The following NCLN variants were observed in gnomAD, a reference collection of about 807,000 sequenced individuals.
NCLN encodes BOS complex subunit NCLN.
NCLN carries 34 observed loss-of-function variants against 69.5 expected under a neutral mutation model. The observed-to-expected ratio is 0.49, with a 90% CI of 0.37 to 0.65. NCLN has a LOEUF of 0.65. Among genes scored for constraint, NCLN ranks in the 30% least tolerant of loss-of-function variants. NCLN has a pLI of 0.00. For synonymous variants in NCLN, 393 were observed against 358.3 expected (o/e 1.10, Z -1.09); for missense variants, 710 against 804.8 (o/e 0.88, Z 1.42).
rs1181957578 is a variant in NCLN, at chr19:3,204,002, C to T, written c.890-3C>T. On this transcript the variant is annotated splice_region_variant and splice_polypyrimidine_tract_variant and intron_variant, in intron 7 of 14. Transcript: ENST00000246117. ...CACCCCGCCAGCTCTCGGTGTCCTG[C>T]AGACTCCAGCCTGCTTCAGGACAAT... The T allele has an allele frequency of 6.4e-7, 1 of 1,565,014 alleles. No homozygotes were observed. Among genetic ancestry groups the T allele is most frequent in the Non-Finnish European group, 8.7e-7 (1 of 1,155,306 alleles).
intron 4 of NCLN, among the ~76,000 whole-genome samples, chr19:3,197,724 G>A (rs943641039): frequency 9.2e-5 from 14 of 151,636 alleles, no homozygotes; most frequent in African/African-American, 3.2e-4. Context: ...AGGTTCAAGC[G>A]ATTCTCCTGC....
Position 3,204,099 on chromosome 19 carries a change from T to C in NCLN, c.984T>C (p.Pro328=), listed in dbSNP as rs750820248. The change falls in exon 8 of 15, where the codon CCT becomes CCC. Residue 328 remains proline (P), a synonymous_variant. Transcript: ENST00000246117. ...TGCACCTGCACGTGTCCAAGCCGCC[T>C]CGGGAGGGCACCCTGCAGCACGCCT... is the stretch of plus-strand genomic sequence containing the variant. ...SSLHLHVSKP[P]REGTLQHAFL... is the part of the protein sequence containing the mutation. 6.5e-7 allele frequency: 1 copy of C among 1,528,076 alleles called. No individual in the cohort carries two copies. Among genetic ancestry groups the C allele is most frequent in the Non-Finnish European group, 8.8e-7 (1 of 1,139,634 alleles). The allele number at this position is 1,528,076 out of a possible 1,614,324, so 94.7% of individuals were successfully genotyped here. A position where few individuals can be genotyped will look rare whatever the true frequency, so the allele number is the denominator to read the frequency against.
rs780794105 is a variant in NCLN at position 3,206,140 on chromosome 19, C to T, written c.1297-12C>T. 3.3e-6 allele frequency: 5 copies of T among 1,531,632 alleles called. No homozygotes were observed. In the South Asian group the frequency reaches 3.7e-5, roughly 11 times the overall value. 94.9% of individuals were successfully genotyped at this position (1,531,632 alleles called of 1,614,324 possible). A position where few individuals can be genotyped will look rare whatever the true frequency, so the allele number is the denominator to read the frequency against. ...GGCCTGGACTCAGGGCCATCCCCTCCTCTCTCCGCAGGGGACACCCCCAGA... is the reference window on the plus strand; with the variant it reads ...GGCCTGGACTCAGGGCCATCCCCTCTTCTCTCCGCAGGGGACACCCCCAGA... On this transcript the variant is annotated splice_polypyrimidine_tract_variant and intron_variant, in intron 10 of 14. Transcript: ENST00000246117.
At chr19:3,191,036 G>A (rs945353902) in intron 1 of NCLN, among the ~76,000 whole-genome samples, 1 of 146,724 alleles carries the variant, frequency 6.8e-6, no homozygotes, top group South Asian at 2.2e-4. Context: ...GATCGTCGTG[G>A]TGCGTGGCGG....
chr19:3,189,908 G>A (rs943080360), intron 1 of NCLN, among the ~76,000 whole-genome samples: 1 of 152,232 alleles, frequency 6.6e-6, no homozygotes, highest in East Asian at 1.9e-4. Flanking sequence ...GCGGGGCTTC[G>A]GAATGGGAGG....
At chr19:3,191,033 G>A (rs536658322) in intron 1 of NCLN, among the ~76,000 whole-genome samples, 1 of 145,536 alleles carries the variant, frequency 6.9e-6, no homozygotes, top group South Asian at 2.2e-4. Context: ...GGAGATCGTC[G>A]TGGTGCGTGG....
At chr19:3,197,682 G>T (rs1189827307) in intron 4 of NCLN, among the ~76,000 whole-genome samples, 2 of 149,584 alleles carry the variant, frequency 1.3e-5, no homozygotes, top group Non-Finnish European at 3.0e-5. Context: ...GTGCAATGGT[G>T]CGATCTCAGC....
intron 4 of NCLN, among the ~76,000 whole-genome samples, chr19:3,198,219 C>T (rs1446723752): frequency 1.3e-5 from 2 of 152,018 alleles, no homozygotes; most frequent in African/African-American, 2.4e-5. Context: ...AAAAACTTAA[C>T]CTCCTGGCCG....
intron 6 of NCLN, among the ~76,000 whole-genome samples, chr19:3,203,288 G>A (rs1290718979): frequency 6.6e-6 from 1 of 151,162 alleles, no homozygotes; most frequent in Non-Finnish European, 1.5e-5. Context: ...AGCCTGGGCA[G>A]AAAGAGCGAA....
At position 3,205,333 on chromosome 19, in the gene NCLN, G is replaced by A. The variant is rs1226912695; in HGVS notation, c.1208+582G>A. Among the ~76,000 whole-genome samples the A allele has an allele frequency of 6.6e-6, 1 of 152,216 alleles. No individual in the cohort carries two copies. The highest frequency in any genetic ancestry group is 1.5e-5 in the Non-Finnish European group (1 of 68,036). ...TCCTCCCCCAGCGCCCGCAGTCCCGGCATAGATCCTTCCCGTTCATCCACT... is the reference window on the plus strand; with the variant it reads ...TCCTCCCCCAGCGCCCGCAGTCCCGACATAGATCCTTCCCGTTCATCCACT... On this transcript the variant is annotated intron_variant, in intron 9 of 14. Transcript: ENST00000246117. This position sits in a 1 kb window ranked among gnomAD's most constrained non-coding sequence, Gnocchi z 4.6.
chr19:3,207,975 C>T lies in NCLN; in HGVS notation c.*287C>T, dbSNP rs1212338630. On this transcript the variant is annotated 3_prime_UTR_variant, in exon 15 of 15. Coordinates refer to ENST00000246117, the MANE Select transcript of NCLN (RefSeq NM_020170.4). The stretch of plus-strand genomic sequence containing the variant: ...GGACGAGCCCCCCAGTCCTGGGAGC[C>T]GGCCGCCCTCGGTCTGGTGTAAGCA... 5.0e-5 allele frequency: 23 copies of T among 457,952 alleles called. No individual in the cohort carries two copies. The highest frequency in any genetic ancestry group is 2.0e-4 in the East Asian group (5 of 25,028). The allele number at this position is 457,952 out of a possible 1,614,324, so 28.4% of individuals were successfully genotyped here. A position where few individuals can be genotyped will look rare whatever the true frequency, so the allele number is the denominator to read the frequency against.
Position 3,198,776 on chromosome 19 carries a change from C to G in NCLN, c.616-41C>G, listed in dbSNP as rs371194943. 2.7e-5 allele frequency: 41 copies of G among 1,534,408 alleles called. No homozygotes were observed. The African/African-American group carries it at 3.2e-4, about 12-fold the overall frequency. ...CAAGCCCCACACACGGGTCACCTGC[C>G]CCAGGAACAGCCAGGCCATTCCCCT... On this transcript the variant is annotated intron_variant, in intron 4 of 14. Transcript: ENST00000246117.
Position 3,207,864 on chromosome 19 carries a change from G to A in NCLN, c.*176G>A, listed in dbSNP as rs369869443. The A allele has an allele frequency of 1.7e-6, 1 of 597,622 alleles. No homozygotes were observed. The highest frequency in any genetic ancestry group is 3.0e-6 in the Non-Finnish European group (1 of 332,930). 37.0% of individuals were successfully genotyped at this position (597,622 alleles called of 1,614,324 possible). ...TTTTTCTGTTGCTCTCCGAGACTGGGGGGGGATTGTTTCTTCTTTTCCTTG... is the reference window on the plus strand; with the variant it reads ...TTTTTCTGTTGCTCTCCGAGACTGGAGGGGGATTGTTTCTTCTTTTCCTTG... On this transcript the variant is annotated 3_prime_UTR_variant, in exon 15 of 15. Transcript: ENST00000246117.
chr19:3,195,695 A>T (rs1460058480), intron 3 of NCLN, among the ~76,000 whole-genome samples: 1 of 152,062 alleles, frequency 6.6e-6, no homozygotes, highest in African/African-American at 2.4e-5. Flanking sequence ...GGAGGGTGAG[A>T]CAGGAGGATC....
chr19:3,207,654 T>G lies in NCLN; in HGVS notation c.1658T>G (p.Val553Gly). The G allele has an allele frequency of 6.2e-7, 1 of 1,612,826 alleles. No individual in the cohort carries two copies. Residue 553 changes from valine (V) to glycine (G), a missense_variant, in exon 15 of 15, where the codon GTC becomes GGC. Transcript: ENST00000246117. ...CACTTCAGCCTCCTCTACAAGACCG[T>G]CCAGAGGCTGCTCGTGAAGGCCAAG... ...VQHFSLLYKT[V>G]QRLLVKAKTQ
chr19:3,199,094 C>T (rs1287668479), intron 5 of NCLN, among the ~76,000 whole-genome samples, 197 bp downstream of exon 5: 1 of 152,202 alleles, frequency 6.6e-6, no homozygotes, highest in East Asian at 1.9e-4. Context: ...CGGCTCTTGC[C>T]CCGGGGTCGC....
In NCLN at chr19:3,203,743, T is replaced by A; in HGVS notation, c.801-13T>A. The A allele has an allele frequency of 6.2e-7, 1 of 1,605,910 alleles. No individual in the cohort carries two copies. The highest frequency in any genetic ancestry group is 8.5e-7 in the Non-Finnish European group (1 of 1,176,570). On this transcript the variant is annotated splice_polypyrimidine_tract_variant and intron_variant, in intron 6 of 14. Transcript: ENST00000246117. ...CTTGCCCGTCAAAGCTAACACTGGGTCTTCCCTCCCAGCTACAACCTCCTG... is the reference window on the plus strand; with the variant it reads ...CTTGCCCGTCAAAGCTAACACTGGGACTTCCCTCCCAGCTACAACCTCCTG...
chr19:3,196,751 C>T (rs549551599), intron 4 of NCLN, among the ~76,000 whole-genome samples: 12 of 152,360 alleles, frequency 7.9e-5, no homozygotes, highest in African/African-American at 2.6e-4. Flanking sequence ...GAAGTAGCCT[C>T]TCGGATCATC....
chr19:3,200,142 C>G (rs1481115121), intron 5 of NCLN, among the ~76,000 whole-genome samples: 1 of 152,016 alleles, frequency 6.6e-6, no homozygotes, highest in East Asian at 1.9e-4. Context: ...CCCACACAAA[C>G]TCAAGCTGCT....
Sources: gnomAD v4.1 joint callset for allele counts (sites outside exome capture counted in the v4.1 genomes callset) on GRCh38, gnomAD v4.1.1 for gene constraint, Gnocchi (gnomAD v3.1) non-coding constraint, MANE v1.5 for transcripts, NCBI Gene and HGNC (gene_info 2026-07-23, HGNC 2026-07-21) for gene names.